ZCCHC10: variants seen among roughly 807,000 people sequenced by gnomAD.
ZCCHC10 encodes the protein zinc finger CCHC-type containing 10.
Under a neutral mutation model 19.5 loss-of-function variants are expected in ZCCHC10, and 16 were observed. The observed-to-expected ratio is 0.82, with a 90% CI of 0.56 to 1.25. The LOEUF is 1.25. Ranked by LOEUF, ZCCHC10 falls within the 50% of genes most tolerant of loss-of-function variation. The pLI is 0.00. For synonymous variants in ZCCHC10, 67 were observed against 72.5 expected, an observed-to-expected ratio of 0.92 and a Z score of 0.38; for missense variants, 197 against 201.0, an observed-to-expected ratio of 0.98 and a Z score of 0.12.
In ZCCHC10 at chr5:133,013,268, A is replaced by C. The variant is rs140552935; in HGVS notation, c.108-6348T>G. Among the ~76,000 whole-genome samples, 901 of 149,158 alleles carry C rather than the reference A, an allele frequency of 6.0e-3. 11 individuals carry two copies. Among genetic ancestry groups the C allele is most frequent in the African/African-American group, 0.021 (871 of 40,966 alleles). ...GTGAGACTCCATCTCCAAGAAAAAAAAAAAAAAAAGGGACTAGGAAACACA... is the reference window on the plus strand; with the variant it reads ...GTGAGACTCCATCTCCAAGAAAAAACAAAAAAAAAGGGACTAGGAAACACA... On this transcript the variant is annotated intron_variant, in intron 2 of 4. Transcript: ENST00000509437.
At chr5:133,019,374 T>C (rs1345096473) in intron 2 of ZCCHC10, among the ~76,000 whole-genome samples, 2 of 152,222 alleles carry the variant, frequency 1.3e-5, no homozygotes, top group African/African-American at 4.8e-5. Flanking sequence ...AGATTACCAT[T>C]TCTTTCTACC....
intron 2 of ZCCHC10, among the ~76,000 whole-genome samples, chr5:133,009,006 CTCTTT>C (rs1272253831): frequency 6.6e-6 from 1 of 151,316 alleles, no homozygotes; most frequent in Non-Finnish European, 1.5e-5. Flanking sequence ...GAGGGAGATT[CTCTTT>C]TTTTTTTTTT....
rs184699986 is a variant in ZCCHC10, at chr5:133,024,107, T to C, written c.42-1201A>G. Among the ~76,000 whole-genome samples, 268 of 152,378 alleles carry C rather than the reference T, an allele frequency of 1.8e-3. 1 individual carries two copies. The highest frequency in any genetic ancestry group is 6.2e-3 in the African/African-American group (258 of 41,600). On this transcript the variant is annotated intron_variant, in intron 1 of 4. Transcript: ENST00000509437. ...TCTTTTACAAATCATGTAACTCATG[T>C]ACCAAATACAGACATATTGTAGATA...
chr5:133,015,434 A>G (rs563473757), intron 2 of ZCCHC10, among the ~76,000 whole-genome samples: 1 of 152,234 alleles, frequency 6.6e-6, no homozygotes, highest in African/African-American at 2.4e-5. Flanking sequence ...TATGTTCACA[A>G]ATTTTGTGGA....
intron 1 of ZCCHC10, among the ~76,000 whole-genome samples, chr5:133,023,549 C>T (rs1764470444): frequency 6.7e-6 from 1 of 148,950 alleles, no homozygotes; most frequent in African/African-American, 2.5e-5. Flanking sequence ...CTGAAGTGGG[C>T]AGATTACCTG....
In ZCCHC10 at chr5:133,026,484, G is replaced by C; in HGVS notation, c.41+13C>G. 1.9e-6 allele frequency: 3 copies of C among 1,613,430 alleles called. No individual in the cohort carries two copies. The highest frequency in any genetic ancestry group is 2.5e-6 in the Non-Finnish European group (3 of 1,179,854). ...CCAGCCCTCCAGTGGACCCGAACCG[G>C]ATCCTTACTTACGCTTGTCTCCGGG... On this transcript the variant is annotated intron_variant, in intron 1 of 4. Coordinates refer to ENST00000509437, the MANE Select transcript of ZCCHC10 (RefSeq NM_001300816.3).
rs564018569 is a variant in ZCCHC10, at chr5:133,026,086, G to A, written c.41+411C>T. On this transcript the variant is annotated intron_variant, in intron 1 of 4. Transcript: ENST00000509437. Reference sequence around the variant, plus strand: ...AGGAAGGCGCTAGAATAAGGAAGTAGGAAAAGGCAGCTGGGCTGGACACTG... The same window carrying A: ...AGGAAGGCGCTAGAATAAGGAAGTAAGAAAAGGCAGCTGGGCTGGACACTG... 3.9e-5 allele frequency among the ~76,000 whole-genome samples: 6 copies of A among 152,346 alleles called. No homozygotes were observed. In the South Asian group the frequency reaches 1.2e-3, roughly 32 times the overall value.
At chr5:133,010,665 C>T (rs1022141313) in intron 2 of ZCCHC10, among the ~76,000 whole-genome samples, 3 of 152,140 alleles carry the variant, frequency 2.0e-5, no homozygotes, top group African/African-American at 7.2e-5. Flanking sequence ...GAGATGAGGT[C>T]TCCTTATGTT....
Position 133,026,549 on chromosome 5 carries a change from C to A in ZCCHC10, c.-12G>T. On this transcript the variant is annotated 5_prime_UTR_variant, in exon 1 of 5. Transcript: ENST00000509437. ...ATGGGAGTCGCCATCTTAGCGCGGT[C>A]AAAGCCGGCCGCGCAGGGTTTTGGG... 2 of 1,613,040 alleles carry A rather than the reference C, an allele frequency of 1.2e-6. No individual in the cohort carries two copies. Among genetic ancestry groups the A allele is most frequent in the South Asian group, 2.2e-5 (2 of 90,834 alleles).
At chr5:133,026,447 G>A (rs1378290680) in intron 1 of ZCCHC10, 50 bp downstream of exon 1, 4 of 1,606,762 alleles carry the variant, frequency 2.5e-6, no homozygotes, top group Non-Finnish European at 3.4e-6. Context: ...GTTGACGCGC[G>A]TTTCCCCGCT....
chr5:133,011,519 G>C lies in ZCCHC10; in HGVS notation c.108-4599C>G, dbSNP rs180857425. On this transcript the variant is annotated intron_variant, in intron 2 of 4. Transcript: ENST00000509437. ...TAGACACCTGTAATCCTAGCTACTC[G>C]GGAGGCTGAGGCAGGAGAATTGCTT... The C allele has an allele frequency of 9.2e-5, 14 of 151,416 alleles. No individual in the cohort carries two copies. The East Asian group carries it at 2.7e-3, about 29-fold the overall frequency. 9.4% of individuals were successfully genotyped at this position (151,416 alleles called of 1,614,324 possible).
intron 2 of ZCCHC10, among the ~76,000 whole-genome samples, chr5:133,008,236 A>AG (rs1307061565): frequency 1.4e-5 from 2 of 145,952 alleles, no homozygotes; most frequent in East Asian, 4.1e-4. Context: ...AAAAAAAAAA[A>AG]AAAAAAAGAA....
At chr5:133,006,049 ATC>A (rs1302107022) in intron 3 of ZCCHC10, among the ~76,000 whole-genome samples, 6 of 145,292 alleles carry the variant, frequency 4.1e-5, no homozygotes, top group Non-Finnish European at 7.5e-5. Context: ...CAGTGGCACA[ATC>A]TCAGCTCACC....
chr5:133,008,998 G>A (rs553041693), intron 2 of ZCCHC10, among the ~76,000 whole-genome samples: 2 of 152,056 alleles, frequency 1.3e-5, no homozygotes, highest in African/African-American at 4.8e-5. Context: ...GGGTGACAGA[G>A]GGAGATTCTC....
chr5:133,026,344 C>T, intron 1 of ZCCHC10, 153 bp downstream of exon 1: 1 of 1,111,456 alleles, frequency 9.0e-7, no homozygotes, highest in Non-Finnish European at 1.3e-6. Context: ...GGTCACCAGA[C>T]TTATCGCCCG....
chr5:133,025,199 A>G (rs1310512563), intron 1 of ZCCHC10, among the ~76,000 whole-genome samples: 1 of 152,110 alleles, frequency 6.6e-6, no homozygotes, highest in Admixed American at 6.6e-5. Context: ...GCTGTTGGAA[A>G]AAAAAGCTTT....
chr5:133,026,092 G>C (rs1276889905), intron 1 of ZCCHC10, among the ~76,000 whole-genome samples: 2 of 152,234 alleles, frequency 1.3e-5, no homozygotes, highest in African/African-American at 4.8e-5. Context: ...AGTAGGAAAA[G>C]GCAGCTGGGC....
At chr5:133,013,801 A>G (rs895876932) in intron 2 of ZCCHC10, among the ~76,000 whole-genome samples, 26 of 73,828 alleles carry the variant, frequency 3.5e-4, no homozygotes, top group African/African-American at 1.7e-3. Context: ...TATTTTGGGA[A>G]AAAAAAAAGC....
intron 2 of ZCCHC10, chr5:133,011,529 G>C (rs1450033766): frequency 6.6e-6 from 1 of 150,994 alleles, no homozygotes; most frequent in Non-Finnish European, 1.5e-5. Context: ...GGGAGGCTGA[G>C]GCAGGAGAAT....
Sources: allele counts gnomAD v4.1 joint callset (sites outside exome capture counted in the v4.1 genomes callset), GRCh38; gene constraint gnomAD v4.1.1; transcripts MANE v1.5; gene names NCBI Gene and HGNC (gene_info 2026-07-23, HGNC 2026-07-21).